Variants in RHBDD1 observed in about 807,000 individuals in gnomAD.
The protein encoded by RHBDD1 is rhomboid-related protein 4.
A neutral mutation model predicts 36.3 loss-of-function variants in RHBDD1; 38 were observed. The ratio of observed to expected loss-of-function variants is 1.05; its 90% CI spans 0.81 to 1.37. The LOEUF (loss-of-function observed/expected upper bound fraction) is 1.37, where lower values mean the gene tolerates loss of function less well. Among genes scored for constraint, RHBDD1 ranks in the 40% most tolerant of loss-of-function variants. The probability of loss-of-function intolerance (pLI) is 0.00; values close to 1 mark genes in which losing one functional copy is unlikely to be tolerated. For synonymous variants in RHBDD1, 151 were observed against 136.5 expected (o/e 1.11, Z -0.74); for missense variants, 393 against 377.6 (o/e 1.04, Z -0.34).
chr2:226,878,507 C>A (rs1349942078), intron 5 of RHBDD1, among the ~76,000 whole-genome samples: 2 of 152,144 alleles, frequency 1.3e-5, no homozygotes, highest in East Asian at 3.9e-4. Flanking sequence ...CAGTTTCTTG[C>A]CTTGTGAGTT....
intron 8 of RHBDD1, among the ~76,000 whole-genome samples, chr2:226,981,505 AGCACACACTCATGCAAACACATGCAG>A (rs1371861775): frequency 1.3e-5 from 2 of 151,862 alleles, no homozygotes; most frequent in Non-Finnish European, 2.9e-5. Context: ...AGCACACACA[AGCACACACTCATGCAAACACATGCAG>A]GCACACACAT....
At chr2:226,870,663 T>A (rs1299723773) in intron 5 of RHBDD1, among the ~76,000 whole-genome samples, 1 of 152,206 alleles carries the variant, frequency 6.6e-6, no homozygotes, top group Non-Finnish European at 1.5e-5. Context: ...AGCCTACTAT[T>A]GACTGAAAGC....
chr2:226,955,407 C>T (rs990474653), intron 8 of RHBDD1, among the ~76,000 whole-genome samples: 1 of 152,230 alleles, frequency 6.6e-6, no homozygotes, highest in African/African-American at 2.4e-5. Context: ...GCATATACAG[C>T]TTTTCTGAAT....
At chr2:226,866,512 G>A (rs916723658) in intron 4 of RHBDD1, among the ~76,000 whole-genome samples, 2 of 152,208 alleles carry the variant, frequency 1.3e-5, no homozygotes, top group Admixed American at 6.5e-5. Flanking sequence ...GCTCGGAAGC[G>A]ATGGAGCTGG....
At chr2:226,825,256 AT>A in the RHBDD1 span, among the ~76,000 whole-genome samples, 2 of 152,188 alleles carry the variant, frequency 1.3e-5, no homozygotes, top group African/African-American at 4.8e-5. Context: ...TCATGGAAGC[AT>A]CAGAATTTTA....
chr2:226,864,713 G>A lies in RHBDD1; in HGVS notation c.20G>A (p.Gly7Glu), dbSNP rs763027048. The A allele has an allele frequency of 1.2e-6, 2 of 1,613,972 alleles. No homozygotes were observed. Among genetic ancestry groups the A allele is most frequent in the Non-Finnish European group, 1.7e-6 (2 of 1,179,912 alleles). Residue 7 changes from glycine to glutamate, a missense_variant, in exon 4 of 9, where the codon GGG becomes GAG. By Grantham distance (98) the Gly-to-Glu change is moderately conservative. Transcript: ENST00000392062. ...CTGGCCATGCAACGGAGATCAAGAGGGATAAATACTGGACTTATTCTACTC... is the reference window on the plus strand; with the variant it reads ...CTGGCCATGCAACGGAGATCAAGAGAGATAAATACTGGACTTATTCTACTC... Reference protein sequence around the residue: MQRRSRGINTGLILLLS... With the variant: MQRRSREINTGLILLLS...
intron 8 of RHBDD1, among the ~76,000 whole-genome samples, chr2:226,963,940 G>A (rs756563048): frequency 6.6e-6 from 1 of 152,158 alleles, no homozygotes; most frequent in Non-Finnish European, 1.5e-5. Context: ...GAGCAGGGAA[G>A]TCTTCTTCCC....
rs1944195996 is a variant in RHBDD1 at position 226,864,889 on chromosome 2, C to T, written c.196C>T (p.Gln66Ter). The change falls in exon 4 of 9, where the codon CAG (glutamine) becomes TAG (stop). Residue 66 changes from glutamine to a stop codon, truncating the protein, a stop_gained. Coordinates refer to ENST00000392062, the MANE Select transcript of RHBDD1 (RefSeq NM_001167608.3). LOFTEE classifies it high-confidence loss of function. ...VEKCYQQKDW[Q>*]RLLLSPLHHA... ...GAAGTGTTACCAGCAAAAAGACTGGCAGCGTTTACTGCTCTCTCCCCTTCA... is the reference window on the plus strand; with the variant it reads ...GAAGTGTTACCAGCAAAAAGACTGGTAGCGTTTACTGCTCTCTCCCCTTCA... The T allele has an allele frequency of 6.2e-7, 1 of 1,614,084 alleles. No homozygotes were observed. The highest frequency in any genetic ancestry group is 1.3e-5 in the African/African-American group (1 of 74,938).
intron 8 of RHBDD1, among the ~76,000 whole-genome samples, chr2:226,948,204 T>A (rs2149200944): frequency 6.8e-6 from 1 of 147,164 alleles, no homozygotes; most frequent in Admixed American, 6.8e-5. Flanking sequence ...TAAGAAAATG[T>A]GGCACATATA....
chr2:226,907,218 A>G (rs1948130042), intron 6 of RHBDD1, among the ~76,000 whole-genome samples: 1 of 152,216 alleles, frequency 6.6e-6, no homozygotes. Context: ...TTCTTCTATA[A>G]TAGTCCATGA....
chr2:226,961,288 A>G (rs929535707), intron 8 of RHBDD1, among the ~76,000 whole-genome samples: 17 of 152,102 alleles, frequency 1.1e-4, no homozygotes, highest in African/African-American at 3.6e-4. Context: ...TGGGATGCCT[A>G]CCTGAGATAG....
At chr2:226,930,616 G>A (rs915298510) in intron 8 of RHBDD1, among the ~76,000 whole-genome samples, 1 of 151,828 alleles carries the variant, frequency 6.6e-6, no homozygotes, top group Non-Finnish European at 1.5e-5. Flanking sequence ...AAAAGCAAAT[G>A]CAACAAAAAC....
chr2:226,944,803 A>G (rs886640026), intron 8 of RHBDD1, among the ~76,000 whole-genome samples: 2 of 152,194 alleles, frequency 1.3e-5, no homozygotes, highest in Admixed American at 6.6e-5. Context: ...AGTTTTGGAC[A>G]ATCTGGGTAT....
At chr2:226,893,073 A>T (rs1252079465) in intron 5 of RHBDD1, among the ~76,000 whole-genome samples, 2 of 152,152 alleles carry the variant, frequency 1.3e-5, no homozygotes, top group African/African-American at 4.8e-5. Context: ...TCCAGTTGAG[A>T]CTATTTCCTG....
At chr2:226,891,770 G>T (rs2125501164) in intron 5 of RHBDD1, among the ~76,000 whole-genome samples, 1 of 152,312 alleles carries the variant, frequency 6.6e-6, no homozygotes, top group East Asian at 1.9e-4. Context: ...AGACTTATCG[G>T]AAGGATATCA....
chr2:226,812,738 G>A, the RHBDD1 span, among the ~76,000 whole-genome samples: 7 of 152,022 alleles, frequency 4.6e-5, no homozygotes, highest in Non-Finnish European at 8.8e-5. Context: ...TTTTTTCTGG[G>A]AGGGGACTCA....
chr2:226,850,100 G>A lies in RHBDD1; in HGVS notation c.-91+10473G>A, dbSNP rs182838457. Among the ~76,000 whole-genome samples, 129 of 152,306 alleles carry A rather than the reference G, an allele frequency of 8.5e-4. 1 individual carries two copies. Among genetic ancestry groups the A allele is most frequent in the Non-Finnish European group, 1.3e-3 (86 of 68,026 alleles). On this transcript the variant is annotated intron_variant, in intron 3 of 8. Coordinates refer to ENST00000392062, the MANE Select transcript of RHBDD1 (RefSeq NM_001167608.3). The stretch of plus-strand genomic sequence containing the variant: ...ACGAAGGGCTGCATTTGTTAAGGAC[G>A]TGCTAACTGAATGTCTACTGACCTG...
At position 226,995,562 on chromosome 2, in the gene RHBDD1, T is replaced by C. The variant is rs1230433538; in HGVS notation, c.*40T>C. 7.4e-7 allele frequency: 1 copy of C among 1,357,416 alleles called. No individual in the cohort carries two copies. The highest frequency in any genetic ancestry group is 1.0e-6 in the Non-Finnish European group (1 of 956,288). 84.1% of individuals were successfully genotyped at this position (1,357,416 alleles called of 1,614,324 possible). A position where few individuals can be genotyped will look rare whatever the true frequency, so the allele number is the denominator to read the frequency against. ...AAGACATGGCCTATTCGTGTAATTA[T>C]TGCCCATTTGGCTCATTCCCCAAGC... On this transcript the variant is annotated 3_prime_UTR_variant, in exon 9 of 9. Coordinates refer to ENST00000392062, the MANE Select transcript of RHBDD1 (RefSeq NM_001167608.3).
chr2:226,810,540 C>CAAAAAAAAAAAAA, the RHBDD1 span, among the ~76,000 whole-genome samples: 65 of 33,868 alleles, frequency 1.9e-3, 8 homozygotes, highest in African/African-American at 7.4e-3. Flanking sequence ...GACTCCGTCT[C>CAAAAAAAAAAAAA]AAAAAAAAAA....
Sources: allele counts gnomAD v4.1 joint callset (sites outside exome capture counted in the v4.1 genomes callset), GRCh38; gene constraint gnomAD v4.1.1; transcripts MANE v1.5; gene names NCBI Gene and HGNC (gene_info 2026-07-23, HGNC 2026-07-21).